MYO3B: variants seen among roughly 807,000 people sequenced by gnomAD.
MYO3B encodes myosin IIIB.
In MYO3B, 156 loss-of-function variants were observed where a neutral mutation model predicts 174.6. That is an observed-to-expected ratio of 0.89 (90% CI 0.78 to 1.02). The LOEUF is 1.02. Ranked by LOEUF, MYO3B falls within the 50% of genes least tolerant of loss-of-function variation. The probability of loss-of-function intolerance (pLI) is 0.00; values close to 1 mark genes in which losing one functional copy is unlikely to be tolerated. For synonymous variants in MYO3B, 563 were observed against 569.1 expected (o/e 0.99, Z 0.15); for missense variants, 1,632 against 1,639.4 (o/e 1.00, Z 0.08).
At chr2:170,651,546 T>A in intron 32 of MYO3B, 82 bp from the exon 33 acceptor site, 1 of 1,023,116 alleles carries the variant, frequency 9.8e-7, no homozygotes, top group Non-Finnish European at 1.5e-6. Context: ...TTCTACTAAG[T>A]GCATTTATGT....
At chr2:170,652,933 A>T in intron 34 of MYO3B, 50 bp from the exon 35 acceptor site, 1 of 1,607,954 alleles carries the variant, frequency 6.2e-7, no homozygotes, top group Non-Finnish European at 8.5e-7. Context: ...TGATGATTGT[A>T]ACATTTGTTT....
intron 7 of MYO3B, among the ~76,000 whole-genome samples, chr2:170,313,722 G>A (rs1034784575): frequency 6.6e-6 from 1 of 151,794 alleles, no homozygotes; most frequent in Non-Finnish European, 1.5e-5. Flanking sequence ...CTCTTTCCAC[G>A]CCCACCTCTT....
At chr2:170,270,153 G>A (rs1347965755) in intron 7 of MYO3B, among the ~76,000 whole-genome samples, 1 of 152,168 alleles carries the variant, frequency 6.6e-6, no homozygotes, top group Non-Finnish European at 1.5e-5. Context: ...TTCCTCTGAG[G>A]AGGGGAGTTA....
chr2:170,514,377 C>T (rs931445575), intron 28 of MYO3B, among the ~76,000 whole-genome samples: 7 of 152,130 alleles, frequency 4.6e-5, no homozygotes, highest in African/African-American at 1.7e-4. Flanking sequence ...GTATGTAGTC[C>T]ATCTTCTCCC....
intron 32 of MYO3B, among the ~76,000 whole-genome samples, chr2:170,613,835 G>A (rs549490605): frequency 9.9e-5 from 15 of 152,230 alleles, no homozygotes; most frequent in South Asian, 6.2e-4. Context: ...TCCTGTCCTC[G>A]AACGTGGGAC....
chr2:170,466,033 C>T (rs1234985759), intron 24 of MYO3B, among the ~76,000 whole-genome samples: 2 of 152,140 alleles, frequency 1.3e-5, no homozygotes, highest in Non-Finnish European at 2.9e-5. Context: ...ATTTTCTTTG[C>T]CTTGTTTTTG....
intron 16 of MYO3B, among the ~76,000 whole-genome samples, chr2:170,393,469 G>C (rs1302413974): frequency 1.3e-5 from 2 of 151,892 alleles, no homozygotes; most frequent in Non-Finnish European, 2.9e-5. Context: ...TATAACCCTA[G>C]GCTCAAATAT....
intron 16 of MYO3B, among the ~76,000 whole-genome samples, chr2:170,399,391 T>A (rs1286700510): frequency 1.3e-5 from 2 of 151,340 alleles, no homozygotes; most frequent in South Asian, 4.2e-4. Context: ...GGAGAATTGC[T>A]TGAACCCGGG....
chr2:170,489,632 G>GGGGTGTGT (rs1253451732), intron 25 of MYO3B, among the ~76,000 whole-genome samples: 20 of 96,834 alleles, frequency 2.1e-4, no homozygotes, highest in African/African-American at 6.0e-4. Flanking sequence ...AAAACCAGTA[G>GGGGTGTGT]GGGTGTGTGT....
At chr2:170,604,706 A>G (rs879815083) in intron 32 of MYO3B, among the ~76,000 whole-genome samples, 5 of 152,036 alleles carry the variant, frequency 3.3e-5, no homozygotes, top group Non-Finnish European at 4.4e-5. Context: ...AGCTATAATA[A>G]TTAAAGCAAC....
At chr2:170,565,385 T>C (rs759904399) in intron 32 of MYO3B, among the ~76,000 whole-genome samples, 1 of 152,222 alleles carries the variant, frequency 6.6e-6, no homozygotes, top group Non-Finnish European at 1.5e-5. Context: ...GATGTTCATT[T>C]TGGGTCATCA....
chr2:170,419,332 C>T (rs764951736), intron 22 of MYO3B, among the ~76,000 whole-genome samples: 8 of 152,190 alleles, frequency 5.3e-5, no homozygotes, highest in Non-Finnish European at 1.0e-4. Flanking sequence ...TTGCTTCTCA[C>T]AGTTCTGGAG....
intron 28 of MYO3B, among the ~76,000 whole-genome samples, chr2:170,511,342 A>G (rs1687975179): frequency 1.3e-5 from 2 of 151,828 alleles, no homozygotes; most frequent in Admixed American, 1.3e-4. Flanking sequence ...CTAGGATTAC[A>G]GGCGTGAGCC....
chr2:170,384,895 CA>C (rs1264840023), intron 12 of MYO3B, among the ~76,000 whole-genome samples: 1 of 152,192 alleles, frequency 6.6e-6, no homozygotes, highest in Admixed American at 6.5e-5. Context: ...AGACTGTTCC[CA>C]CTTTAGATGC....
intron 23 of MYO3B, among the ~76,000 whole-genome samples, chr2:170,449,916 A>C (rs766777563): frequency 6.6e-6 from 1 of 152,220 alleles, no homozygotes; most frequent in Non-Finnish European, 1.5e-5. Context: ...CAATTTCTAC[A>C]TTATCAGAGA....
intron 1 of MYO3B, among the ~76,000 whole-genome samples, chr2:170,192,444 TTG>T (rs1443783165): frequency 2.6e-5 from 4 of 151,280 alleles, no homozygotes; most frequent in African/African-American, 9.7e-5. Context: ...CTATTTTTAT[TTG>T]TGTTTTCCTC....
chr2:170,633,138 T>A (rs532893741), intron 32 of MYO3B, among the ~76,000 whole-genome samples: 22 of 152,218 alleles, frequency 1.4e-4, no homozygotes, highest in Non-Finnish European at 2.4e-4. Context: ...AGCATCATCC[T>A]GATACCAAAG....
intron 32 of MYO3B, among the ~76,000 whole-genome samples, chr2:170,562,734 A>C (rs554945568): frequency 1.3e-5 from 2 of 152,312 alleles, no homozygotes; most frequent in African/African-American, 4.8e-5. Flanking sequence ...CCATTTAAGA[A>C]AGTATTTTTC....
intron 7 of MYO3B, among the ~76,000 whole-genome samples, chr2:170,295,282 G>T (rs2105428961): frequency 6.6e-6 from 1 of 151,636 alleles, no homozygotes; most frequent in South Asian, 2.1e-4. Flanking sequence ...GATATTTTTG[G>T]ATTCATTTAT....
Sources: allele counts gnomAD v4.1 joint callset (sites outside exome capture counted in the v4.1 genomes callset), GRCh38; gene constraint gnomAD v4.1.1; transcripts MANE v1.5; gene names NCBI Gene and HGNC (gene_info 2026-07-23, HGNC 2026-07-21).